The following LCLAT1 variants were observed in gnomAD, a reference collection of about 807,000 sequenced individuals.
LCLAT1 encodes 1-AGP acyltransferase 8.
A neutral mutation model predicts 30.7 loss-of-function variants in LCLAT1; 11 were observed. The ratio of observed to expected loss-of-function variants is 0.36; its 90% CI spans 0.23 to 0.59. The LOEUF is 0.59. Ranked by LOEUF, LCLAT1 falls within the 20% of genes least tolerant of loss-of-function variation. The pLI is 0.77. For synonymous variants in LCLAT1, 155 were observed against 151.3 expected, an observed-to-expected ratio of 1.02 and a Z score of -0.18; for missense variants, 402 against 458.6, an observed-to-expected ratio of 0.88 and a Z score of 1.13.
At chr2:30,599,836 T>C (rs1204391384) in intron 5 of LCLAT1, among the ~76,000 whole-genome samples, 1 of 152,236 alleles carries the variant, frequency 6.6e-6, no homozygotes, top group Non-Finnish European at 1.5e-5. Flanking sequence ...AGCCTATGTA[T>C]GTCTTTGCAT....
intron 4 of LCLAT1, among the ~76,000 whole-genome samples, chr2:30,564,674 A>T (rs1239187673): frequency 6.6e-6 from 1 of 152,172 alleles, no homozygotes; most frequent in Admixed American, 6.5e-5. Flanking sequence ...AAATCATTTT[A>T]AAAAATAGGC....
intron 1 of LCLAT1, among the ~76,000 whole-genome samples, chr2:30,517,909 G>T (rs1230003484): frequency 5.9e-5 from 9 of 152,180 alleles, no homozygotes; most frequent in Non-Finnish European, 1.5e-5. Flanking sequence ...CTTGTTATCA[G>T]TGTAAACAAG....
intron 1 of LCLAT1, among the ~76,000 whole-genome samples, chr2:30,497,475 C>T (rs1253324075): frequency 5.3e-5 from 8 of 152,040 alleles, no homozygotes; most frequent in African/African-American, 1.7e-4. Context: ...ATTTTTGTGC[C>T]ATTTTGTTAA....
intron 3 of LCLAT1, among the ~76,000 whole-genome samples, chr2:30,534,596 C>T (rs1446055508): frequency 2.0e-5 from 3 of 152,082 alleles, no homozygotes; most frequent in Admixed American, 2.0e-4. Flanking sequence ...TTTTAATTGC[C>T]TTTGTACTTA....
chr2:30,525,330 GC>G (rs1558496486), intron 1 of LCLAT1, among the ~76,000 whole-genome samples: 2 of 152,122 alleles, frequency 1.3e-5, no homozygotes, highest in Non-Finnish European at 2.9e-5. Context: ...ACCTGCTTCA[GC>G]CTCCTAAAGT....
rs1302255199 is a variant in LCLAT1 at position 30,568,112 on chromosome 2, A to G, written c.564A>G (p.Lys188=). Residue 188 remains lysine (K), a synonymous_variant, in exon 5 of 6, where the codon AAA becomes AAG. Coordinates refer to ENST00000379509, the MANE Select transcript of LCLAT1 (RefSeq NM_001002257.3). The stretch of plus-strand genomic sequence containing the variant: ...TTGCTGAAAAAAATGGACTTCAGAA[A>G]TATGAATATGTTTTACATCCAAGAA... ...NAFAEKNGLQ[K]YEYVLHPRTT... The G allele has an allele frequency of 4.3e-6, 7 of 1,610,098 alleles. No homozygotes were observed. Among genetic ancestry groups the G allele is most frequent in the African/African-American group, 2.7e-5 (2 of 74,776 alleles).
chr2:30,497,325 C>A (rs866680), intron 1 of LCLAT1, among the ~76,000 whole-genome samples: 126,325 of 152,186 alleles, frequency 0.83, 52,593 homozygotes, highest in East Asian at 0.94. Context: ...GTGGAATTTT[C>A]GTAGCTTAAC....
At chr2:30,515,753 A>C (rs1685150987) in intron 1 of LCLAT1, among the ~76,000 whole-genome samples, 2 of 152,208 alleles carry the variant, frequency 1.3e-5, no homozygotes, top group Non-Finnish European at 2.9e-5. Flanking sequence ...GAATGCACAA[A>C]ACATGATACT....
rs1262784785 is a variant in LCLAT1 at position 30,521,489 on chromosome 2, C to CTTTTTTTTTTTTTTTTTTTTT, written c.-4-4096_-4-4095insTTTTTTTTTTTTTTTTTTTTT. Among the ~76,000 whole-genome samples the CTTTTTTTTTTTTTTTTTTTTT allele has an allele frequency of 5.4e-5, 3 of 55,564 alleles. 1 individual carries two copies. Among genetic ancestry groups the CTTTTTTTTTTTTTTTTTTTTT allele is most frequent in the African/African-American group, 2.4e-4 (3 of 12,262 alleles). 36.5% of individuals were successfully genotyped at this position (55,564 alleles called of 152,430 possible). A position where few individuals can be genotyped will look rare whatever the true frequency, so the allele number is the denominator to read the frequency against. On this transcript the variant is annotated intron_variant, in intron 1 of 5. Coordinates refer to ENST00000379509, the MANE Select transcript of LCLAT1 (RefSeq NM_001002257.3). ...GTTTCCTCAACCCCCTAAACTACTTCTTCTTTTTTTTTTTTTTTTTTTTTT... is the reference window on the plus strand; with the variant it reads ...GTTTCCTCAACCCCCTAAACTACTTCTTTTTTTTTTTTTTTTTTTTTTTCTTTTTTTTTTTTTTTTTTTTTT...
intron 1 of LCLAT1, among the ~76,000 whole-genome samples, chr2:30,479,039 A>ATTCATTATTCAT (rs1683191767): frequency 1.3e-5 from 2 of 152,144 alleles, no homozygotes; most frequent in South Asian, 4.1e-4. Flanking sequence ...ATATAGCTCA[A>ATTCATTATTCAT]ACTTGAAAAA....
At chr2:30,633,519 C>T (rs1668867806) in intron 5 of LCLAT1, among the ~76,000 whole-genome samples, 1 of 152,008 alleles carries the variant, frequency 6.6e-6, no homozygotes, top group Non-Finnish European at 1.5e-5. Flanking sequence ...AAACTCATCT[C>T]TACTAAAAAC....
At chr2:30,485,294 G>A (rs577718260) in intron 1 of LCLAT1, among the ~76,000 whole-genome samples, 2 of 152,226 alleles carry the variant, frequency 1.3e-5, no homozygotes, top group African/African-American at 2.4e-5. Flanking sequence ...TTTACATGAC[G>A]TATTTGGAAC....
rs1289290979 is a variant in LCLAT1 at position 30,642,524 on chromosome 2, A to C, written c.*1905A>C. 2 of 151,632 alleles carry C rather than the reference A, an allele frequency of 1.3e-5. No homozygotes were observed. Among genetic ancestry groups the C allele is most frequent in the African/African-American group, 2.4e-5 (1 of 41,284 alleles). 9.4% of individuals were successfully genotyped at this position (151,632 alleles called of 1,614,324 possible). On this transcript the variant is annotated 3_prime_UTR_variant, in exon 6 of 6. Transcript: ENST00000379509. ...TATTTAGAAACACAAATAGTTTTAT[A>C]ATCAGGATTGCATTTGTGCTGGGTA... is the stretch of plus-strand genomic sequence containing the variant.
chr2:30,535,361 A>G (rs990678256), intron 3 of LCLAT1, among the ~76,000 whole-genome samples: 14 of 152,200 alleles, frequency 9.2e-5, no homozygotes, highest in East Asian at 3.9e-4. Flanking sequence ...GAGTAGAATG[A>G]CATGCACCTG....
intron 3 of LCLAT1, among the ~76,000 whole-genome samples, chr2:30,549,898 T>C (rs1330572468): frequency 6.6e-6 from 1 of 152,216 alleles, no homozygotes; most frequent in African/African-American, 2.4e-5. Flanking sequence ...TTCTGAGTGT[T>C]ACACTGTTGT....
At chr2:30,561,354 G>T (rs1288475723) in intron 3 of LCLAT1, among the ~76,000 whole-genome samples, 2 of 152,242 alleles carry the variant, frequency 1.3e-5, no homozygotes, top group East Asian at 3.9e-4. Context: ...AAATTTCTGA[G>T]GGGGAACATT....
intron 3 of LCLAT1, among the ~76,000 whole-genome samples, chr2:30,557,283 C>CGTGTGTGTGTGTGTGTGTGTGT (rs373793652): frequency 7.9e-5 from 11 of 138,562 alleles, no homozygotes; most frequent in African/African-American, 2.8e-4. Context: ...AAGGTATGAT[C>CGTGTGTGTGTGTGTGTGTGTGT]GTGTGTGTGT....
At chr2:30,451,047 T>G (rs993844496) in intron 1 of LCLAT1, among the ~76,000 whole-genome samples, 3 of 152,202 alleles carry the variant, frequency 2.0e-5, no homozygotes, top group Non-Finnish European at 4.4e-5. Context: ...ATTTTAAAAA[T>G]GCATAGATGT....
At chr2:30,524,231 C>T (rs77497309) in intron 1 of LCLAT1, among the ~76,000 whole-genome samples, 19,187 of 152,150 alleles carry the variant, frequency 0.13, 1,342 homozygotes, top group South Asian at 0.23. Context: ...GATGTTCTGG[C>T]TATGAGGACC....
Sources: allele counts gnomAD v4.1 joint callset (sites outside exome capture counted in the v4.1 genomes callset), GRCh38; gene constraint gnomAD v4.1.1; transcripts MANE v1.5; gene names NCBI Gene and HGNC (gene_info 2026-07-23, HGNC 2026-07-21).